Variants in FRMD4B observed in about 807,000 individuals in gnomAD.
FRMD4B encodes FERM domain containing 4B, also known as FERM domain-containing protein 4B.
A neutral mutation model predicts 141.5 loss-of-function variants in FRMD4B; 74 were observed. That is an observed-to-expected ratio of 0.52 (90% CI 0.43 to 0.63). FRMD4B has a LOEUF of 0.63. Ranked by LOEUF, FRMD4B falls within the 30% of genes least tolerant of loss-of-function variation. FRMD4B has a pLI of 0.00. For synonymous variants in FRMD4B, 506 were observed against 467.9 expected (o/e 1.08, Z -1.05); for missense variants, 1,366 against 1,253.4 (o/e 1.09, Z -1.36).
At chr3:69,293,069 T>C (rs1361471833) in intron 4 of FRMD4B, 1 of 451,068 alleles carries the variant, frequency 2.2e-6, no homozygotes, top group Non-Finnish European at 4.4e-6. Flanking sequence ...TCTTTTTCCT[T>C]TCTTGGTTGG....
chr3:69,311,213 T>C (rs1191216804), intron 3 of FRMD4B, 50 bp downstream of exon 3: 2 of 810,812 alleles, frequency 2.5e-6, no homozygotes, highest in Non-Finnish European at 4.2e-6. Flanking sequence ...AGACAGCAAG[T>C]AGGTAGCCCA....
chr3:69,508,198 AT>A (rs1330532969), intron 1 of FRMD4B, among the ~76,000 whole-genome samples: 2 of 152,216 alleles, frequency 1.3e-5, no homozygotes, highest in African/African-American at 4.8e-5. Context: ...ATGGCAAAAA[AT>A]AACATAATAA....
intron 2 of FRMD4B, among the ~76,000 whole-genome samples, chr3:69,400,316 G>A (rs556288418): frequency 2.0e-5 from 3 of 152,044 alleles, no homozygotes; most frequent in Non-Finnish European, 2.9e-5. Flanking sequence ...TTGAAGATGC[G>A]GTGAGCTATG....
intron 1 of FRMD4B, among the ~76,000 whole-genome samples, chr3:69,435,548 A>G (rs1026108340): frequency 1.3e-5 from 2 of 152,178 alleles, no homozygotes; most frequent in African/African-American, 2.4e-5. Flanking sequence ...GCGAGCTACA[A>G]CTGCAGAGTT....
intron 14 of FRMD4B, among the ~76,000 whole-genome samples, chr3:69,196,014 C>T (rs1041922741): frequency 1.5e-4 from 23 of 152,160 alleles, no homozygotes; most frequent in African/African-American, 5.3e-4. Flanking sequence ...CAAGCCACAC[C>T]TTGGTACTCA....
chr3:69,179,174 A>C (rs4855358), intron 21 of FRMD4B, among the ~76,000 whole-genome samples: 5,786 of 152,118 alleles, frequency 0.038, 291 homozygotes, highest in African/African-American at 0.1. Context: ...CTGTGGGGCC[A>C]CATCTTGCTG....
At chr3:69,385,737 T>TG in intron 1 of FRMD4B, 91 bp downstream of exon 1, 1 of 1,133,206 alleles carries the variant, frequency 8.8e-7, no homozygotes. Context: ...TAAGAAGAGC[T>TG]GGGGGGAATA....
At chr3:69,272,683 C>T (rs764833472) in intron 5 of FRMD4B, among the ~76,000 whole-genome samples, 11 of 152,060 alleles carry the variant, frequency 7.2e-5, no homozygotes, top group African/African-American at 7.2e-5. Flanking sequence ...GTTCTTGGTA[C>T]GACTAAAATT....
At chr3:69,447,120 A>C (rs1705420940) in intron 1 of FRMD4B, among the ~76,000 whole-genome samples, 1 of 152,194 alleles carries the variant, frequency 6.6e-6, no homozygotes, top group African/African-American at 2.4e-5. Context: ...TGGGTATCAA[A>C]TGAAGGTAAT....
intron 1 of FRMD4B, among the ~76,000 whole-genome samples, chr3:69,481,065 A>T (rs1474788217): frequency 6.6e-6 from 1 of 152,152 alleles, no homozygotes; most frequent in Non-Finnish European, 1.5e-5. Flanking sequence ...CCGTCGGAAA[A>T]GCCCAGTGTT....
rs553925277 is a variant in FRMD4B, at chr3:69,441,675, G to A, written c.-128-8914C>T. ...AACCTACAGCAATTCCTGGCACATG[G>A]CAGCTGTTCAGTGAATATGAGCTGA... On this transcript the variant is annotated intron_variant, in intron 1 of 5. Transcript: ENST00000459638. Among the ~76,000 whole-genome samples, 240 of 152,272 alleles carry A rather than the reference G, an allele frequency of 1.6e-3. 2 individuals are homozygous for A. Among genetic ancestry groups the A allele is most frequent in the Middle Eastern group, 3.4e-3 (1 of 294 alleles).
chr3:69,380,806 A>G (rs1380315844), intron 1 of FRMD4B, among the ~76,000 whole-genome samples: 2 of 152,190 alleles, frequency 1.3e-5, no homozygotes, highest in Admixed American at 6.5e-5. Context: ...AAGAAATTCT[A>G]TCTTTGGGAC....
chr3:69,213,726 G>A (rs2093110860), intron 11 of FRMD4B, among the ~76,000 whole-genome samples: 1 of 149,666 alleles, frequency 6.7e-6, no homozygotes, highest in Non-Finnish European at 1.5e-5. Context: ...GCAGTGGCAT[G>A]ATCATAGTTC....
chr3:69,450,609 C>T (rs921636748), intron 1 of FRMD4B, among the ~76,000 whole-genome samples: 3 of 152,192 alleles, frequency 2.0e-5, no homozygotes, highest in African/African-American at 7.2e-5. Context: ...AAAAAATTAG[C>T]TGGGCATGGT....
intron 17 of FRMD4B, among the ~76,000 whole-genome samples, chr3:69,192,585 G>C (rs2092850229): frequency 6.6e-6 from 1 of 152,042 alleles, no homozygotes; most frequent in Non-Finnish European, 1.5e-5. Flanking sequence ...TTCTGAAAAT[G>C]AAAGTCATAA....
intron 5 of FRMD4B, among the ~76,000 whole-genome samples, chr3:69,274,112 A>G (rs1412534834): frequency 1.3e-5 from 2 of 152,070 alleles, no homozygotes; most frequent in Non-Finnish European, 2.9e-5. Context: ...TTTCAGTATG[A>G]CCGCAGGGTG....
In FRMD4B at chr3:69,512,312, G is replaced by T. The variant is rs560057643; in HGVS notation, c.-129+29894C>A. 1.3e-4 allele frequency among the ~76,000 whole-genome samples: 20 copies of T among 152,178 alleles called. No homozygotes were observed. The South Asian group carries it at 4.0e-3, about 30-fold the overall frequency. On this transcript the variant is annotated intron_variant, in intron 1 of 5. Transcript: ENST00000459638. The stretch of plus-strand genomic sequence containing the variant: ...TGGTTTTAATATCTTAATAAGGAAG[G>T]CAAACAAAGAAGAAAGCCAACACTT...
intron 1 of FRMD4B, among the ~76,000 whole-genome samples, chr3:69,368,614 G>C (rs929023475): frequency 3.9e-5 from 6 of 152,098 alleles, no homozygotes; most frequent in Non-Finnish European, 8.8e-5. Context: ...TTGATACTCA[G>C]TCCTCCCCAG....
chr3:69,471,503 C>A (rs926036129), intron 1 of FRMD4B: 2 of 257,728 alleles, frequency 7.8e-6, no homozygotes, highest in South Asian at 7.7e-5. Flanking sequence ...AGGTAAGCGT[C>A]AGAAGAAGAT....
Sources: allele counts gnomAD v4.1 joint callset (sites outside exome capture counted in the v4.1 genomes callset), GRCh38; gene constraint gnomAD v4.1.1; transcripts MANE v1.5; gene names NCBI Gene and HGNC (gene_info 2026-07-23, HGNC 2026-07-21).